The following CDKAL1 variants were observed in gnomAD, a reference collection of about 807,000 sequenced individuals.
CDKAL1 encodes CDKAL1 threonylcarbamoyladenosine tRNA methylthiotransferase, also known as threonylcarbamoyladenosine tRNA methylthiotransferase.
In CDKAL1, 32 loss-of-function variants were observed where a neutral mutation model predicts 68.2. That is an observed-to-expected ratio of 0.47 (90% CI 0.35 to 0.63). The LOEUF (loss-of-function observed/expected upper bound fraction) is 0.63. Ranked by LOEUF, CDKAL1 falls within the 30% of genes least tolerant of loss-of-function variation. The pLI is 0.00. For synonymous variants in CDKAL1, 234 were observed against 244.3 expected (o/e 0.96, Z 0.39); for missense variants, 606 against 696.7 (o/e 0.87, Z 1.47).
At chr6:20,625,267 C>T (rs972158974) in intron 4 of CDKAL1, among the ~76,000 whole-genome samples, 1 of 152,062 alleles carries the variant, frequency 6.6e-6, no homozygotes, top group African/African-American at 2.4e-5. Flanking sequence ...GATGATAAAA[C>T]TCTTAAATTT....
intron 11 of CDKAL1, among the ~76,000 whole-genome samples, chr6:21,001,910 T>A (rs2150821037): frequency 6.6e-6 from 1 of 152,338 alleles, no homozygotes; most frequent in East Asian, 1.9e-4. Flanking sequence ...AGTATAAACA[T>A]GCATCCCGGG....
intron 12 of CDKAL1, among the ~76,000 whole-genome samples, chr6:21,089,388 G>T (rs570348780): frequency 1.3e-5 from 2 of 152,018 alleles, no homozygotes; most frequent in Non-Finnish European, 2.9e-5. Flanking sequence ...GAGGCAGGAG[G>T]ATCACTGGAG....
chr6:20,860,559 T>C (rs1393957715), intron 9 of CDKAL1, among the ~76,000 whole-genome samples: 1 of 152,084 alleles, frequency 6.6e-6, no homozygotes, highest in Non-Finnish European at 1.5e-5. Flanking sequence ...GCACGGTGGC[T>C]CACGCCTGTA....
chr6:20,977,447 C>T (rs529049876), intron 10 of CDKAL1, among the ~76,000 whole-genome samples: 1 of 152,242 alleles, frequency 6.6e-6, no homozygotes, highest in South Asian at 2.1e-4. Context: ...CACTATGTAA[C>T]CATGTGAACT....
chr6:20,556,612 T>A (rs953678814), intron 4 of CDKAL1, among the ~76,000 whole-genome samples: 6 of 152,244 alleles, frequency 3.9e-5, no homozygotes, highest in Non-Finnish European at 1.5e-5. Context: ...ACTATCACCA[T>A]GATTATTTAC....
chr6:20,780,721 T>C lies in CDKAL1; in HGVS notation c.518-424T>C, dbSNP rs994351327. Among the ~76,000 whole-genome samples, 6 of 150,178 alleles carry C rather than the reference T, an allele frequency of 4.0e-5. 1 individual carries two copies. In the South Asian group the frequency reaches 1.1e-3, roughly 26 times the overall value. ...TGGAGTCTCACTCTGTCACCTAGGCTGGAGTGCAGTGGTGCCATCTGGGCT... is the reference window on the plus strand; with the variant it reads ...TGGAGTCTCACTCTGTCACCTAGGCCGGAGTGCAGTGGTGCCATCTGGGCT... On this transcript the variant is annotated intron_variant, in intron 7 of 15. Coordinates refer to ENST00000274695, the MANE Select transcript of CDKAL1 (RefSeq NM_017774.3).
chr6:20,551,599 T>A (rs1163082595), intron 4 of CDKAL1, among the ~76,000 whole-genome samples: 1 of 152,014 alleles, frequency 6.6e-6, no homozygotes, highest in African/African-American at 2.4e-5. Context: ...CTCGATCCCT[T>A]GACCTCGTGA....
chr6:20,858,510 G>T (rs1196288336), intron 9 of CDKAL1, among the ~76,000 whole-genome samples: 1 of 152,096 alleles, frequency 6.6e-6, no homozygotes, highest in Non-Finnish European at 1.5e-5. Context: ...CATGAATGAA[G>T]TAATTAGCTT....
At chr6:20,641,027 G>T (rs1331462250) in intron 4 of CDKAL1, among the ~76,000 whole-genome samples, 1 of 152,112 alleles carries the variant, frequency 6.6e-6, no homozygotes, top group African/African-American at 2.4e-5. Flanking sequence ...TGTATATAAA[G>T]AAATAGTTTG....
intron 6 of CDKAL1, among the ~76,000 whole-genome samples, chr6:20,758,208 T>C (rs930819750): frequency 8.5e-5 from 13 of 152,208 alleles, no homozygotes; most frequent in African/African-American, 3.1e-4. Context: ...AATACTAGCA[T>C]GTTCTTTTTG....
chr6:20,585,428 T>C (rs1340091898), intron 4 of CDKAL1, among the ~76,000 whole-genome samples: 1 of 152,144 alleles, frequency 6.6e-6, no homozygotes, highest in Non-Finnish European at 1.5e-5. Context: ...AACTATTCCA[T>C]TTTTTTCTTT....
At chr6:20,627,257 CA>C (rs2127738498) in intron 4 of CDKAL1, among the ~76,000 whole-genome samples, 1 of 152,138 alleles carries the variant, frequency 6.6e-6, no homozygotes, top group East Asian at 1.9e-4. Context: ...TCCAGCACAT[CA>C]AAAACTACTA....
At chr6:21,034,074 G>A (rs1392315643) in intron 11 of CDKAL1, among the ~76,000 whole-genome samples, 2 of 152,090 alleles carry the variant, frequency 1.3e-5, no homozygotes, top group Non-Finnish European at 2.9e-5. Flanking sequence ...GTGGAGTTAA[G>A]CAAGATAAGT....
At chr6:20,778,966 T>G (rs560271877) in intron 7 of CDKAL1, among the ~76,000 whole-genome samples, 2 of 152,290 alleles carry the variant, frequency 1.3e-5, no homozygotes, top group East Asian at 3.9e-4. Flanking sequence ...CGCAGTCAAG[T>G]TGACATATAA....
intron 7 of CDKAL1, among the ~76,000 whole-genome samples, chr6:20,763,566 C>T (rs1178121267): frequency 6.6e-6 from 1 of 152,150 alleles, no homozygotes; most frequent in Non-Finnish European, 1.5e-5. Context: ...TTGCTATAAC[C>T]CTCTTGTTTC....
intron 5 of CDKAL1, among the ~76,000 whole-genome samples, chr6:20,667,040 G>A (rs1409744081): frequency 9.2e-5 from 14 of 152,140 alleles, no homozygotes; most frequent in Non-Finnish European, 4.4e-5. Context: ...TATGTATGGT[G>A]TGTCTCTTCC....
intron 4 of CDKAL1, among the ~76,000 whole-genome samples, chr6:20,557,128 T>C (rs190690907): frequency 3.0e-4 from 46 of 151,696 alleles, no homozygotes; most frequent in Non-Finnish European, 6.3e-4. Context: ...ATCCTGACAT[T>C]AAGGTTTCTG....
chr6:20,687,018 C>G (rs922955317), intron 5 of CDKAL1, among the ~76,000 whole-genome samples: 3 of 152,114 alleles, frequency 2.0e-5, no homozygotes, highest in Non-Finnish European at 4.4e-5. Context: ...AAATGTTGAA[C>G]CAGCCATGCA....
At chr6:20,758,257 T>C (rs1774312334) in intron 6 of CDKAL1, among the ~76,000 whole-genome samples, 1 of 152,144 alleles carries the variant, frequency 6.6e-6, no homozygotes, top group South Asian at 2.1e-4. Context: ...TTCCTGAAGC[T>C]CTGTGTGAGA....
Sources: gnomAD v4.1 joint callset for allele counts (sites outside exome capture counted in the v4.1 genomes callset) on GRCh38, gnomAD v4.1.1 for gene constraint, MANE v1.5 for transcripts, NCBI Gene and HGNC (gene_info 2026-07-23, HGNC 2026-07-21) for gene names.